The following PDE4B variants were observed in gnomAD, a reference collection of about 807,000 sequenced individuals.
The protein encoded by PDE4B is phosphodiesterase 4B.
PDE4B carries 20 observed loss-of-function variants against 82.2 expected under a neutral mutation model. That is an observed-to-expected ratio of 0.24 (90% CI 0.17 to 0.35). The LOEUF (loss-of-function observed/expected upper bound fraction) is 0.35, where lower values mean the gene tolerates loss of function less well. Ranked by LOEUF, PDE4B falls within the 10% of genes least tolerant of loss-of-function variation. The pLI is 1.00. For missense variants in PDE4B, 655 were observed against 907.2 expected (o/e 0.72, Z 3.57); for synonymous variants, 320 against 318.9 (o/e 1.00, Z -0.04).
chr1:66,097,850 G>A (rs1645146861), intron 3 of PDE4B, among the ~76,000 whole-genome samples: 1 of 138,238 alleles, frequency 7.2e-6, no homozygotes, highest in East Asian at 2.1e-4. Context: ...ATAATACATT[G>A]TTTGCTGCTG....
chr1:65,870,141 G>C (rs145003523), intron 1 of PDE4B, among the ~76,000 whole-genome samples: 1 of 152,266 alleles, frequency 6.6e-6, no homozygotes, highest in East Asian at 1.9e-4. Flanking sequence ...TTCACCCAGA[G>C]AGTATTGTTT....
intron 3 of PDE4B, among the ~76,000 whole-genome samples, chr1:65,989,266 T>A (rs1330260213): frequency 6.6e-6 from 1 of 152,116 alleles, no homozygotes; most frequent in African/African-American, 2.4e-5. Context: ...TTTGGGAGGC[T>A]GAGGCAGGCA....
At chr1:65,842,221 A>G (rs767688363) in intron 1 of PDE4B, among the ~76,000 whole-genome samples, 5 of 152,204 alleles carry the variant, frequency 3.3e-5, no homozygotes, top group Non-Finnish European at 7.3e-5. Context: ...ACACAAAAAA[A>G]CACTAATAAA....
At chr1:66,173,940 C>T (rs1646884801) in intron 3 of PDE4B, among the ~76,000 whole-genome samples, 1 of 152,134 alleles carries the variant, frequency 6.6e-6, no homozygotes, top group Admixed American at 6.5e-5. Context: ...GCTTGTGTCA[C>T]CACACCTGGC....
intron 7 of PDE4B, chr1:66,331,726 T>C (rs1197643462): frequency 2.0e-6 from 2 of 985,148 alleles, no homozygotes; most frequent in African/African-American, 1.7e-5. Context: ...TCCTGGCACT[T>C]GCAGAAGGGA....
chr1:65,878,411 A>G (rs574322476), intron 1 of PDE4B, among the ~76,000 whole-genome samples: 6 of 152,320 alleles, frequency 3.9e-5, no homozygotes, highest in East Asian at 1.9e-4. Context: ...ATATCATTCT[A>G]CTATAAAGAC....
intron 3 of PDE4B, among the ~76,000 whole-genome samples, chr1:66,114,785 A>G (rs1300572504): frequency 1.3e-5 from 2 of 151,966 alleles, no homozygotes; most frequent in Admixed American, 6.6e-5. Flanking sequence ...ACAGGCACAC[A>G]TCACCACACC....
chr1:66,178,913 G>A (rs570345644), intron 3 of PDE4B, among the ~76,000 whole-genome samples: 40 of 152,092 alleles, frequency 2.6e-4, no homozygotes, highest in African/African-American at 7.2e-4. Context: ...GTGCAATGGC[G>A]CGATCTCGGC....
intron 1 of PDE4B, among the ~76,000 whole-genome samples, chr1:65,814,575 A>T (rs1645857941): frequency 1.3e-5 from 2 of 152,212 alleles, no homozygotes; most frequent in Admixed American, 1.3e-4. Flanking sequence ...ATTACTCTCG[A>T]AAGTTTCCTG....
intron 3 of PDE4B, among the ~76,000 whole-genome samples, chr1:65,989,988 A>G (rs140128366): frequency 8.6e-5 from 13 of 151,692 alleles, no homozygotes; most frequent in Non-Finnish European, 1.6e-4. Flanking sequence ...CAGACTTTCA[A>G]AGAGTCCGAT....
At chr1:66,218,986 C>T (rs752674480) in intron 3 of PDE4B, among the ~76,000 whole-genome samples, 3 of 152,110 alleles carry the variant, frequency 2.0e-5, no homozygotes, top group African/African-American at 4.8e-5. Flanking sequence ...TTTCTGCCAA[C>T]AGTATTTGAT....
chr1:66,086,381 G>T (rs1274104968), intron 3 of PDE4B, among the ~76,000 whole-genome samples: 1 of 152,134 alleles, frequency 6.6e-6, no homozygotes, highest in Admixed American at 6.6e-5. Context: ...TAAAGGAGAT[G>T]ATAGGTGGAG....
intron 3 of PDE4B, among the ~76,000 whole-genome samples, chr1:66,131,625 A>ATATATATATATATATC: frequency 9.0e-6 from 1 of 111,308 alleles, no homozygotes; most frequent in Non-Finnish European, 1.8e-5. Flanking sequence ...ATATATATAT[A>ATATATATATATATATC]TATATATATA....
At chr1:66,197,084 G>A (rs1300935760) in intron 3 of PDE4B, among the ~76,000 whole-genome samples, 3 of 151,998 alleles carry the variant, frequency 2.0e-5, no homozygotes, top group Non-Finnish European at 4.4e-5. Context: ...AAATTTCAGA[G>A]ATTGAAGTCT....
At chr1:65,818,704 A>ATATATATATATAT (rs1553187330) in intron 1 of PDE4B, among the ~76,000 whole-genome samples, 1 of 148,870 alleles carries the variant, frequency 6.7e-6, no homozygotes, top group African/African-American at 2.4e-5. Context: ...ATATATATAT[A>ATATATATATATAT]AAATAACAAA....
intron 9 of PDE4B, among the ~76,000 whole-genome samples, chr1:66,356,304 T>C (rs1352102459): frequency 2.6e-5 from 4 of 152,246 alleles, no homozygotes; most frequent in Non-Finnish European, 4.4e-5. Flanking sequence ...AAAGATTGCA[T>C]GAATGGTCCT....
At chr1:66,222,109 C>A (rs920175903) in intron 3 of PDE4B, among the ~76,000 whole-genome samples, 17 of 151,528 alleles carry the variant, frequency 1.1e-4, no homozygotes, top group African/African-American at 4.1e-4. Context: ...ATTTCCAAGT[C>A]TTTTTAGAAG....
At chr1:66,105,263 C>T (rs1224019876) in intron 3 of PDE4B, among the ~76,000 whole-genome samples, 2 of 147,812 alleles carry the variant, frequency 1.4e-5, no homozygotes, top group African/African-American at 2.5e-5. Context: ...TATGTGGCAT[C>T]ATTTCTGAGG....
chr1:66,157,510 T>G (rs890030746), intron 3 of PDE4B, among the ~76,000 whole-genome samples: 3 of 152,216 alleles, frequency 2.0e-5, no homozygotes, highest in African/African-American at 7.2e-5. Context: ...GTATTTGCAT[T>G]TACTGGCTCT....
Sources: allele counts gnomAD v4.1 joint callset (sites outside exome capture counted in the v4.1 genomes callset), GRCh38; gene constraint gnomAD v4.1.1; transcripts MANE v1.5; gene names NCBI Gene and HGNC (gene_info 2026-07-23, HGNC 2026-07-21).